The following DLGAP2 variants were observed in gnomAD, a reference collection of about 807,000 sequenced individuals.
The protein encoded by DLGAP2 is disks large-associated protein 2.
Under a neutral mutation model 100.3 loss-of-function variants are expected in DLGAP2, and 26 were observed. The observed-to-expected ratio is 0.26, with a 90% CI of 0.19 to 0.36. The LOEUF is 0.36. Among genes scored for constraint, DLGAP2 ranks in the 10% least tolerant of loss-of-function variants. The probability of loss-of-function intolerance (pLI) is 1.00; values close to 1 mark genes in which losing one functional copy is unlikely to be tolerated. For missense variants in DLGAP2, 1,858 were observed against 1,453.2 expected (o/e 1.28, Z -4.53); for synonymous variants, 886 against 630.1 (o/e 1.41, Z -6.08).
intron 4 of DLGAP2, among the ~76,000 whole-genome samples, chr8:1,542,728 G>A (rs1318553686): frequency 6.6e-6 from 1 of 152,178 alleles, no homozygotes; most frequent in African/African-American, 2.4e-5. Flanking sequence ...GCCTGGATGT[G>A]TTTTCATTTC....
chr8:1,674,531 T>G (rs1798765007), intron 10 of DLGAP2, among the ~76,000 whole-genome samples: 1 of 152,230 alleles, frequency 6.6e-6, no homozygotes, highest in African/African-American at 2.4e-5. Flanking sequence ...AGAAATAGAA[T>G]AAGTGAGAGA....
intron 2 of DLGAP2, among the ~76,000 whole-genome samples, chr8:1,227,554 C>T (rs759423708): frequency 5.3e-5 from 8 of 151,374 alleles, no homozygotes; most frequent in Admixed American, 1.3e-4. Flanking sequence ...AGTGCAGTGG[C>T]ACAATCCTGG....
rs114118630 is a variant in DLGAP2 at position 1,226,529 on chromosome 8, T to C, written c.74-32322T>C. On this transcript the variant is annotated intron_variant, in intron 2 of 14. Transcript: ENST00000637795. Reference sequence around the variant, plus strand: ...AATAGCTAATGCATGTGGGGCTTAATACCAAGGTTGATGGGTGCAGCAAAC... The same window carrying C: ...AATAGCTAATGCATGTGGGGCTTAACACCAAGGTTGATGGGTGCAGCAAAC... Among the ~76,000 whole-genome samples the C allele has an allele frequency of 5.0e-3, 761 of 152,262 alleles. 7 individuals carry two copies. Among genetic ancestry groups the C allele is most frequent in the African/African-American group, 0.018 (736 of 41,554 alleles).
At chr8:1,064,610 C>G (rs1803189006) in intron 2 of DLGAP2, among the ~76,000 whole-genome samples, 1 of 152,174 alleles carries the variant, frequency 6.6e-6, no homozygotes, top group South Asian at 2.1e-4. Context: ...AATTTGATGG[C>G]TTTCTTTTTT....
chr8:1,022,205 C>A (rs530356014), intron 2 of DLGAP2, among the ~76,000 whole-genome samples: 19 of 152,114 alleles, frequency 1.2e-4, no homozygotes, highest in Middle Eastern at 3.4e-3. Context: ...ACCACCCACC[C>A]TCCCTGGGAG....
chr8:1,417,725 A>AGGGGG (rs1452006281), intron 3 of DLGAP2, among the ~76,000 whole-genome samples: 15 of 144,282 alleles, frequency 1.0e-4, no homozygotes, highest in Non-Finnish European at 1.5e-4. Flanking sequence ...GCGAGGCTCC[A>AGGGGG]GACACAGAAG....
intron 3 of DLGAP2, among the ~76,000 whole-genome samples, chr8:1,289,466 C>A (rs1355376518): frequency 6.6e-6 from 1 of 152,182 alleles, no homozygotes. Context: ...TATTTTTAAG[C>A]CCCTCTGCAC....
At chr8:1,475,085 C>T (rs1262615692) in intron 3 of DLGAP2, among the ~76,000 whole-genome samples, 2 of 152,104 alleles carry the variant, frequency 1.3e-5, no homozygotes, top group Non-Finnish European at 2.9e-5. Flanking sequence ...CGCAGAGACA[C>T]GGGTGTAGTC....
intron 2 of DLGAP2, among the ~76,000 whole-genome samples, chr8:1,228,605 T>C (rs1376190972): frequency 6.6e-6 from 1 of 152,170 alleles, no homozygotes. Flanking sequence ...CCAACTAGAT[T>C]TTTTCCAGGA....
chr8:880,716 C>A (rs4735949), intron 1 of DLGAP2, among the ~76,000 whole-genome samples: 4 of 152,168 alleles, frequency 2.6e-5, no homozygotes, highest in Admixed American at 2.6e-4. Context: ...CCCTTGACTG[C>A]GACATGGTAT....
In DLGAP2 at chr8:1,006,474, A is replaced by C. The variant is rs1306719193; in HGVS notation, c.73+98508A>C. On this transcript the variant is annotated intron_variant, in intron 2 of 14. Coordinates refer to ENST00000637795, the MANE Select transcript of DLGAP2 (RefSeq NM_001346810.2). ...CTCAAGTCTTGGTATGTGGTCCTTT[A>C]TCACATCGGGGACACCGTGTGTCTC... Among the ~76,000 whole-genome samples, 2 of 127,064 alleles carry C rather than the reference A, an allele frequency of 1.6e-5. 1 individual carries two copies. The highest frequency in any genetic ancestry group is 6.1e-5 in the African/African-American group (2 of 32,928). 83.4% of individuals were successfully genotyped at this position (127,064 alleles called of 152,430 possible). A position where few individuals can be genotyped will look rare whatever the true frequency, so the allele number is the denominator to read the frequency against.
chr8:1,057,211 C>T (rs78780956), intron 2 of DLGAP2, among the ~76,000 whole-genome samples: 8 of 152,284 alleles, frequency 5.3e-5, no homozygotes, highest in East Asian at 1.9e-4. Flanking sequence ...GGTTACTACA[C>T]GTAGAAGTTA....
intron 3 of DLGAP2, among the ~76,000 whole-genome samples, chr8:1,444,960 CAG>C: frequency 6.6e-6 from 1 of 151,520 alleles, no homozygotes; most frequent in Non-Finnish European, 1.5e-5. Flanking sequence ...TTAGTAGAGA[CAG>C]GGTTTCACCG....
chr8:1,490,528 G>C lies in DLGAP2; in HGVS notation c.107-10838G>C, dbSNP rs1297377271. 2.4e-4 allele frequency among the ~76,000 whole-genome samples: 36 copies of C among 152,246 alleles called. 1 individual carries two copies. The highest frequency in any genetic ancestry group is 2.4e-3 in the Admixed American group (36 of 15,282). ...GAGGGTGATGGGAGAGTCCTGTTCT[G>C]TGTTCGTGTGGAAAGACAGTGATTC... is the stretch of plus-strand genomic sequence containing the variant. On this transcript the variant is annotated intron_variant, in intron 3 of 14. Transcript: ENST00000637795.
chr8:1,543,088 A>G (rs1801417170), intron 4 of DLGAP2, among the ~76,000 whole-genome samples: 2 of 152,342 alleles, frequency 1.3e-5, no homozygotes, highest in African/African-American at 4.8e-5. Flanking sequence ...TCAGATTTAT[A>G]TATTCTGGAT....
At chr8:1,595,682 A>G (rs1796433913) in intron 6 of DLGAP2, among the ~76,000 whole-genome samples, 1 of 133,914 alleles carries the variant, frequency 7.5e-6, no homozygotes, top group Non-Finnish European at 1.6e-5. Flanking sequence ...TCAAAAAAAA[A>G]AAAAAAAAAG....
chr8:1,251,139 C>T (rs544442159), intron 2 of DLGAP2, among the ~76,000 whole-genome samples: 1 of 152,210 alleles, frequency 6.6e-6, no homozygotes, highest in Non-Finnish European at 1.5e-5. Flanking sequence ...ACCCGTGCAA[C>T]AAGCAATATC....
chr8:1,161,472 C>T (rs935822), intron 2 of DLGAP2, among the ~76,000 whole-genome samples: 55,765 of 152,052 alleles, frequency 0.37, 11,847 homozygotes, highest in Non-Finnish European at 0.48. Context: ...GCAAACTGGC[C>T]TAAGAGTGAG....
rs59333463 is a variant in DLGAP2, at chr8:1,498,454, G to A, written c.107-2912G>A. On this transcript the variant is annotated intron_variant, in intron 3 of 14. Coordinates refer to ENST00000637795, the MANE Select transcript of DLGAP2 (RefSeq NM_001346810.2). ...TTTATCTGTCACGTGATGTGCCCGA[G>A]TCAGGTTGGAAAGTGAGCCATGTTA... Among the ~76,000 whole-genome samples the A allele has an allele frequency of 7.9e-5, 12 of 152,244 alleles. No homozygotes were observed. In the East Asian group the frequency reaches 1.9e-3, roughly 24 times the overall value.
Sources: gnomAD v4.1 joint callset for allele counts (sites outside exome capture counted in the v4.1 genomes callset) on GRCh38, gnomAD v4.1.1 for gene constraint, MANE v1.5 for transcripts, NCBI Gene and HGNC (gene_info 2026-07-23, HGNC 2026-07-21) for gene names.